The following CDK5RAP1 variants were observed in gnomAD, a reference collection of about 807,000 sequenced individuals.
CDK5RAP1 encodes mitochondrial tRNA methylthiotransferase CDK5RAP1.
A neutral mutation model predicts 64.5 loss-of-function variants in CDK5RAP1; 62 were observed. The observed-to-expected ratio is 0.96, with a 90% CI of 0.78 to 1.19. The LOEUF is 1.19. Among genes scored for constraint, CDK5RAP1 ranks in the 50% most tolerant of loss-of-function variants. CDK5RAP1 has a pLI of 0.00. For synonymous variants in CDK5RAP1, 250 were observed against 261.9 expected, an observed-to-expected ratio of 0.95 and a Z score of 0.44; for missense variants, 657 against 735.0, an observed-to-expected ratio of 0.89 and a Z score of 1.23.
At chr20:33,359,284 C>T (rs1482597348) in intron 13 of CDK5RAP1, 161 bp from the exon 14 acceptor site, 3 of 600,896 alleles carry the variant, frequency 5.0e-6, no homozygotes, top group African/African-American at 1.9e-5. Context: ...TGGCAGGAAG[C>T]GAGGTCTCAT....
chr20:33,360,131 A>T, intron 13 of CDK5RAP1: 1 of 545,138 alleles, frequency 1.8e-6, no homozygotes, highest in Non-Finnish European at 3.2e-6. Context: ...CCAAATTCCC[A>T]CAAAGAACGC....
chr20:33,359,225 G>A, intron 13 of CDK5RAP1, 102 bp from the exon 14 acceptor site: 1 of 838,028 alleles, frequency 1.2e-6, no homozygotes, highest in Non-Finnish European at 2.0e-6. Context: ...GAATCTGATG[G>A]AGGCGACCGG....
chr20:33,389,481 C>G (rs927004157), intron 5 of CDK5RAP1, among the ~76,000 whole-genome samples: 1 of 151,734 alleles, frequency 6.6e-6, no homozygotes, highest in African/African-American at 2.4e-5. Context: ...CCGCCCCGTC[C>G]GGGAGGGAGG....
chr20:33,399,305 C>G (rs1989179354), intron 1 of CDK5RAP1, among the ~76,000 whole-genome samples: 1 of 152,142 alleles, frequency 6.6e-6, no homozygotes, highest in Non-Finnish European at 1.5e-5. Context: ...GGATTTTACA[C>G]ATGCTGTTCT....
chr20:33,387,287 A>C, intron 6 of CDK5RAP1, 36 bp downstream of exon 6: 31 of 1,490,222 alleles, frequency 2.1e-5, no homozygotes, highest in Non-Finnish European at 2.5e-5. Flanking sequence ...GAAAGGAGGA[A>C]GAGGCTTATT....
chr20:33,367,184 G>T (rs977021408), intron 11 of CDK5RAP1, among the ~76,000 whole-genome samples, 176 bp from the exon 12 acceptor site: 1 of 152,138 alleles, frequency 6.6e-6, no homozygotes, highest in Non-Finnish European at 1.5e-5. Context: ...AAGATAAAAA[G>T]GTAGTGGAGT....
chr20:33,368,457 TAA>T (rs1204411713), intron 11 of CDK5RAP1, among the ~76,000 whole-genome samples: 1 of 118,004 alleles, frequency 8.5e-6, no homozygotes. Context: ...CACTCTCGGC[TAA>T]TTTTTTTTTT....
intron 12 of CDK5RAP1, 57 bp downstream of exon 12, chr20:33,366,802 A>C (rs1037149319): frequency 1.3e-6 from 2 of 1,513,122 alleles, no homozygotes; most frequent in South Asian, 2.6e-5. Flanking sequence ...AAAAAAATCA[A>C]AGATCTAATG....
At chr20:33,372,987 A>G (rs1008498760) in intron 9 of CDK5RAP1, 3 of 241,382 alleles carry the variant, frequency 1.2e-5, no homozygotes, top group Non-Finnish European at 2.4e-5. Flanking sequence ...ATCTCGGTTC[A>G]CTGCAACTCA....
At position 33,367,013 on chromosome 20, in the gene CDK5RAP1, T is replaced by TAAAAAA; in HGVS notation, c.1393-11_1393-6dup. ...CCTATGATATGCCCGTGTCTTCTATTAAAAAAAAAAAAAAGAGAGAAGATG... is the reference window on the plus strand; with the variant it reads ...CCTATGATATGCCCGTGTCTTCTATTAAAAAAAAAAAAAAAAAAAAGAGAGAAGATG... On this transcript the variant is annotated splice_polypyrimidine_tract_variant and splice_region_variant and intron_variant, in intron 11 of 13. Coordinates refer to ENST00000346416, the MANE Select transcript of CDK5RAP1 (RefSeq NM_016408.4). The TAAAAAA allele has an allele frequency of 6.9e-7, 1 of 1,459,782 alleles. No homozygotes were observed. The highest frequency in any genetic ancestry group is 9.3e-7 in the Non-Finnish European group (1 of 1,076,570). The allele number at this position is 1,459,782 out of a possible 1,614,324, so 90.4% of individuals were successfully genotyped here.
chr20:33,398,490 T>C (rs1989105391), intron 1 of CDK5RAP1, among the ~76,000 whole-genome samples: 1 of 151,946 alleles, frequency 6.6e-6, no homozygotes, highest in African/African-American at 2.4e-5. Flanking sequence ...TGAGACTGTC[T>C]CAAAAAATAA....
chr20:33,367,121 G>T, intron 11 of CDK5RAP1, 113 bp from the exon 12 acceptor site: 1 of 1,037,186 alleles, frequency 9.6e-7, no homozygotes. Flanking sequence ...ACAGACACAT[G>T]TACAGAAACC....
At chr20:33,366,065 T>C (rs1983873786) in intron 12 of CDK5RAP1, among the ~76,000 whole-genome samples, 1 of 152,176 alleles carries the variant, frequency 6.6e-6, no homozygotes, top group Non-Finnish European at 1.5e-5. Flanking sequence ...ACACCTGTAA[T>C]CCCAGCTCTT....
chr20:33,388,533 CCCCTCTCCCTCTCCCCCTCT>C (rs1456922856), intron 5 of CDK5RAP1, among the ~76,000 whole-genome samples: 9 of 89,562 alleles, frequency 1.0e-4, no homozygotes, highest in Non-Finnish European at 1.7e-4. Context: ...TCTCCCTCTC[CCCCTCTCCCTCTCCCCCTCT>C]CCCTCTCCCT....
chr20:33,380,448 C>G (rs887695764), intron 7 of CDK5RAP1, among the ~76,000 whole-genome samples: 4 of 152,056 alleles, frequency 2.6e-5, no homozygotes, highest in African/African-American at 9.7e-5. Flanking sequence ...GCAATCCTCC[C>G]ACCTCAGCCT....
At chr20:33,377,690 T>C (rs1207248446) in intron 8 of CDK5RAP1, among the ~76,000 whole-genome samples, 3 of 152,168 alleles carry the variant, frequency 2.0e-5, no homozygotes, top group Non-Finnish European at 2.9e-5. Context: ...CTCACTCTAT[T>C]GCCCAGGCTG....
chr20:33,370,487 C>T lies in CDK5RAP1; in HGVS notation c.1392+12G>A, dbSNP rs755661320. 17 of 1,613,748 alleles carry T rather than the reference C, an allele frequency of 1.1e-5. No homozygotes were observed. The highest frequency in any genetic ancestry group is 1.7e-4 in the Middle Eastern group (1 of 6,024). Reference sequence around the variant, plus strand: ...AGGAATGATGTCAGTCCTCCCCAACCCCAGGGCTCACCTGTCTCATGCTGT... The same window carrying T: ...AGGAATGATGTCAGTCCTCCCCAACTCCAGGGCTCACCTGTCTCATGCTGT... On this transcript the variant is annotated intron_variant, in intron 11 of 13. Coordinates refer to ENST00000346416, the MANE Select transcript of CDK5RAP1 (RefSeq NM_016408.4).
chr20:33,359,293 A>C, intron 13 of CDK5RAP1, 170 bp from the exon 14 acceptor site: 34 of 593,718 alleles, frequency 5.7e-5, no homozygotes, highest in East Asian at 1.4e-4. Flanking sequence ...GCGAGGTCTC[A>C]TGGAATGGCA....
At chr20:33,388,124 G>A (rs1033547337) in intron 5 of CDK5RAP1, among the ~76,000 whole-genome samples, 2 of 151,138 alleles carry the variant, frequency 1.3e-5, no homozygotes, top group African/African-American at 4.9e-5. Flanking sequence ...CATGAACCAT[G>A]TCTTCTTTCA....
Sources: allele counts gnomAD v4.1 joint callset (sites outside exome capture counted in the v4.1 genomes callset), GRCh38; gene constraint gnomAD v4.1.1; transcripts MANE v1.5; gene names NCBI Gene and HGNC (gene_info 2026-07-23, HGNC 2026-07-21).